The following NFASC variants were observed in gnomAD, a reference collection of about 807,000 sequenced individuals.
NFASC encodes neurofascin, also known as neurofascin homolog.
In NFASC, 43 loss-of-function variants were observed where a neutral mutation model predicts 147.5. The observed-to-expected ratio is 0.29, with a 90% CI of 0.23 to 0.38. The LOEUF is 0.38. Among genes scored for constraint, NFASC ranks in the 10% least tolerant of loss-of-function variants. The pLI is 1.00. For synonymous variants in NFASC, 622 were observed against 665.5 expected (o/e 0.93, Z 1.01); for missense variants, 1,320 against 1,689.0 (o/e 0.78, Z 3.83).
chr1:204,977,572 C>A, intron 16 of NFASC, 109 bp from the exon 17 acceptor site: 1 of 975,134 alleles, frequency 1.0e-6, no homozygotes, highest in Non-Finnish European at 1.6e-6. Context: ...CCTAGAACAC[C>A]TCAGCCCAGA....
intron 1 of NFASC, among the ~76,000 whole-genome samples, chr1:204,880,731 G>A (rs1234674359): frequency 2.0e-5 from 3 of 152,192 alleles, no homozygotes; most frequent in Non-Finnish European, 2.9e-5. Context: ...CCTTCCAGCT[G>A]TGGGATTTGG....
Position 204,979,279 on chromosome 1 carries a change from T to G in NFASC, c.1979-83T>G. 4 of 1,198,946 alleles carry G rather than the reference T, an allele frequency of 3.3e-6. No homozygotes were observed. In the South Asian group the frequency reaches 4.9e-5, roughly 15 times the overall value. The allele number at this position is 1,198,946 out of a possible 1,614,324, so 74.3% of individuals were successfully genotyped here. On this transcript the variant is annotated intron_variant, in intron 18 of 29. Coordinates refer to ENST00000339876, the MANE Select transcript of NFASC (RefSeq NM_001005388.3). This position sits in a 1 kb window ranked among gnomAD's most constrained non-coding sequence, Gnocchi z 6.0. The stretch of plus-strand genomic sequence containing the variant: ...GTGTGAGAGAGATTATAAAGATCAA[T>G]GGAAGCCAAGAAGGAAGTGCTTTTA...
At chr1:204,972,243 G>T (rs1044633573) in intron 11 of NFASC, among the ~76,000 whole-genome samples, 1 of 152,180 alleles carries the variant, frequency 6.6e-6, no homozygotes, top group Non-Finnish European at 1.5e-5. Context: ...TCTTGAATGC[G>T]TTCATGTACT....
intron 1 of NFASC, among the ~76,000 whole-genome samples, chr1:204,880,579 TCTC>T (rs2079993591): frequency 6.6e-6 from 1 of 152,016 alleles, no homozygotes; most frequent in Admixed American, 6.5e-5. Flanking sequence ...ATGGTCTCGA[TCTC>T]CTGACGTGCT....
At chr1:204,833,254 C>A (rs938984999) in intron 1 of NFASC, among the ~76,000 whole-genome samples, 3 of 152,080 alleles carry the variant, frequency 2.0e-5, no homozygotes, top group African/African-American at 4.8e-5. Context: ...TGCATCATTT[C>A]ATTTCATCCT....
At position 205,002,652 on chromosome 1, in the gene NFASC, A is replaced by C; in HGVS notation, c.3193A>C (p.Thr1065Pro). The change falls in exon 27 of 30, where the codon ACA becomes CCA. Residue 1065 changes from threonine (T) to proline (P), a missense_variant. Coordinates refer to ENST00000339876, the MANE Select transcript of NFASC (RefSeq NM_001005388.3). ...VKAQAQPIQL[T>P]DLYPGMTYTL... ...GGCCCAGGCTCAGCCTATACAGCTG[A>C]CAGACCTCTATCCCGGGATGACATA... 6.3e-7 allele frequency: 1 copy of C among 1,585,088 alleles called. No homozygotes were observed. Among genetic ancestry groups the C allele is most frequent in the Non-Finnish European group, 8.6e-7 (1 of 1,158,570 alleles).
At chr1:204,881,966 C>G (rs1558565422) in intron 1 of NFASC, among the ~76,000 whole-genome samples, 2 of 152,088 alleles carry the variant, frequency 1.3e-5, no homozygotes, top group Non-Finnish European at 2.9e-5. Context: ...CCTGTTCGGT[C>G]TGTTTAGCCA....
chr1:204,963,272 G>A (rs971644823), intron 8 of NFASC, among the ~76,000 whole-genome samples: 9 of 152,186 alleles, frequency 5.9e-5, no homozygotes, highest in Admixed American at 3.9e-4. Context: ...GACCTTTGTT[G>A]GATTCTAAGC....
chr1:204,968,895 G>A lies in NFASC; in HGVS notation c.916G>A (p.Val306Ile), dbSNP rs550928163. 1.2e-6 allele frequency: 2 copies of A among 1,614,068 alleles called. No homozygotes were observed. The highest frequency in any genetic ancestry group is 1.7e-5 in the Admixed American group (1 of 60,026). ...TAATAAGGCCCTGCGTATCACAAAT[G>A]TCTCTGAGGAAGACTCCGGGGAGTA... ...NFNKALRITNVSEEDSGEYFC... is the reference protein window; with the variant it reads ...NFNKALRITNISEEDSGEYFC... The change falls in exon 10 of 30, where the codon GTC (valine) becomes ATC (isoleucine). Residue 306 changes from valine to isoleucine, a missense_variant. Coordinates refer to ENST00000339876, the MANE Select transcript of NFASC (RefSeq NM_001005388.3). The surrounding 1 kb of genome is among the most constrained non-coding windows in gnomAD (Gnocchi z 5.4).
chr1:204,934,274 G>A (rs1429896048), intron 2 of NFASC, among the ~76,000 whole-genome samples: 1 of 152,132 alleles, frequency 6.6e-6, no homozygotes, highest in African/African-American at 2.4e-5. Context: ...AGAAGCTGGG[G>A]CTGGTCCAGG....
At chr1:205,003,760 T>C (rs764984349) in intron 27 of NFASC, among the ~76,000 whole-genome samples, 1 of 152,242 alleles carries the variant, frequency 6.6e-6, no homozygotes, top group African/African-American at 2.4e-5. Context: ...TTACTCCTCC[T>C]GCACCTGGCC....
rs199838875 is a variant in NFASC, at chr1:204,957,802, C to G, written c.682C>G (p.Pro228Ala). 19 of 1,614,138 alleles carry G rather than the reference C, an allele frequency of 1.2e-5. No individual in the cohort carries two copies. Among genetic ancestry groups the G allele is most frequent in the Admixed American group, 1.7e-5 (1 of 60,016 alleles). ...CACCCACACCATCCAGCAGAAGAACCCTTTCACCCTCAAGGTCCTCACCAG... is the reference window on the plus strand; with the variant it reads ...CACCCACACCATCCAGCAGAAGAACGCTTTCACCCTCAAGGTCCTCACCAG... ...HFTHTIQQKN[P>A]FTLKVLTTRG... Residue 228 changes from proline (P) to alanine (A), a missense_variant, in exon 8 of 30, where the codon CCT (proline) becomes GCT (alanine). By Grantham distance (27) the Pro-to-Ala change is conservative (BLOSUM62 -1). Around this residue, in one of 3 missense-constraint regions of NFASC, gnomAD observed 981 missense variants for 1,289.5 expected, o/e 0.76. Coordinates refer to ENST00000339876, the MANE Select transcript of NFASC (RefSeq NM_001005388.3).
At chr1:205,003,242 T>G (rs899260858) in intron 27 of NFASC, among the ~76,000 whole-genome samples, 1 of 152,202 alleles carries the variant, frequency 6.6e-6, no homozygotes, top group African/African-American at 2.4e-5. Flanking sequence ...TGTTAAAAAT[T>G]TCAAAGTGAG....
intron 8 of NFASC, among the ~76,000 whole-genome samples, chr1:204,958,267 A>G (rs1231587180): frequency 6.6e-6 from 1 of 152,158 alleles, no homozygotes; most frequent in African/African-American, 2.4e-5. Context: ...TTGCTTGGTT[A>G]TCTTTATTTG....
chr1:204,944,503 G>A (rs2149799482), intron 3 of NFASC, 97 bp downstream of exon 3: 1 of 926,172 alleles, frequency 1.1e-6, no homozygotes, highest in Non-Finnish European at 1.6e-6. Context: ...ATAATCCAAG[G>A]AGATTGAGGA....
At chr1:204,948,089 G>A (rs1043693589) in intron 3 of NFASC, among the ~76,000 whole-genome samples, 1 of 152,246 alleles carries the variant, frequency 6.6e-6, no homozygotes, top group African/African-American at 2.4e-5. Context: ...GGTGCCAGAG[G>A]TCATAGGTAT....
chr1:205,002,827 C>CG (rs2096019463), intron 27 of NFASC, 79 bp downstream of exon 27: 19 of 1,175,680 alleles, frequency 1.6e-5, no homozygotes, highest in Non-Finnish European at 2.1e-5. Context: ...GCTTGCCTCT[C>CG]TCCTCGGAAA....
chr1:204,969,499 G>A (rs756840387), intron 10 of NFASC, among the ~76,000 whole-genome samples: 86 of 152,312 alleles, frequency 5.6e-4, no homozygotes, highest in Non-Finnish European at 1.1e-3. Context: ...GGTCCCCACC[G>A]TGTGTGGCAG....
intron 2 of NFASC, among the ~76,000 whole-genome samples, chr1:204,933,574 A>G (rs1223949160): frequency 6.6e-6 from 1 of 152,198 alleles, no homozygotes; most frequent in Non-Finnish European, 1.5e-5. Context: ...CCTCAAAGTG[A>G]TGTCTCAGAA....
Sources: allele counts gnomAD v4.1 joint callset (sites outside exome capture counted in the v4.1 genomes callset), GRCh38; gene constraint gnomAD v4.1.1; regional missense constraint gnomAD v4.1.1; non-coding constraint Gnocchi (gnomAD v3.1); transcripts MANE v1.5; gene names NCBI Gene and HGNC (gene_info 2026-07-23, HGNC 2026-07-21).